Variants in SYT1 observed in about 807,000 individuals in gnomAD.
The protein encoded by SYT1 is synaptotagmin-1.
Under a neutral mutation model 44.8 loss-of-function variants are expected in SYT1, and 8 were observed. That is an observed-to-expected ratio of 0.18 (90% CI 0.10 to 0.32). The LOEUF (loss-of-function observed/expected upper bound fraction) is 0.32. Ranked by LOEUF, SYT1 falls within the 10% of genes least tolerant of loss-of-function variation. SYT1 has a pLI of 1.00. For missense variants in SYT1, 286 were observed against 509.3 expected (o/e 0.56, Z 4.22); for synonymous variants, 154 against 188.8 (o/e 0.82, Z 1.51).
chr12:79,334,129 C>G (rs1190192040), intron 8 of SYT1, among the ~76,000 whole-genome samples: 1 of 152,056 alleles, frequency 6.6e-6, no homozygotes, highest in Non-Finnish European at 1.5e-5. Flanking sequence ...TTTTTAATAT[C>G]ACTATTGCCT....
chr12:79,437,003 G>T (rs1369430107), intron 9 of SYT1, among the ~76,000 whole-genome samples: 1 of 152,124 alleles, frequency 6.6e-6, no homozygotes, highest in East Asian at 1.9e-4. Context: ...GGGAAGTGGT[G>T]ACTTTTAAAC....
At chr12:79,025,027 G>A (rs61928978) in intron 2 of SYT1, among the ~76,000 whole-genome samples, 24,411 of 151,682 alleles carry the variant, frequency 0.16, 2,354 homozygotes, top group African/African-American at 0.27. Flanking sequence ...TAGGCAAATA[G>A]AATTTATACA....
At chr12:79,370,295 A>C (rs943979200) in intron 9 of SYT1, among the ~76,000 whole-genome samples, 1 of 152,184 alleles carries the variant, frequency 6.6e-6, no homozygotes, top group Non-Finnish European at 1.5e-5. Flanking sequence ...TAAGCTGCAA[A>C]ATACAGAATT....
intron 3 of SYT1, among the ~76,000 whole-genome samples, chr12:79,058,478 G>A (rs1875129602): frequency 6.6e-6 from 1 of 151,968 alleles, no homozygotes; most frequent in Admixed American, 6.6e-5. Flanking sequence ...TTTCCCAACT[G>A]ATATTCTCTA....
chr12:79,432,026 C>T (rs1342834920), intron 9 of SYT1, among the ~76,000 whole-genome samples: 1 of 152,014 alleles, frequency 6.6e-6, no homozygotes. Flanking sequence ...CACATTTGGT[C>T]ATCAATGAAT....
At chr12:78,981,125 G>GTTTTT (rs1171068435) in intron 2 of SYT1, among the ~76,000 whole-genome samples, 5 of 122,684 alleles carry the variant, frequency 4.1e-5, no homozygotes, top group African/African-American at 6.2e-5. Flanking sequence ...TTGTTTCTTT[G>GTTTTT]TTTTTTTTTT....
chr12:79,301,271 T>C (rs1434722901), intron 8 of SYT1, among the ~76,000 whole-genome samples: 4 of 152,278 alleles, frequency 2.6e-5, no homozygotes, highest in African/African-American at 9.6e-5. Flanking sequence ...TACTTTCACC[T>C]GGATAATTAT....
At chr12:78,947,149 A>T (rs1434556183) in intron 1 of SYT1, among the ~76,000 whole-genome samples, 1 of 152,226 alleles carries the variant, frequency 6.6e-6, no homozygotes, top group Admixed American at 6.5e-5. Context: ...AAGATTTGCA[A>T]CTACTTTCCC....
intron 3 of SYT1, among the ~76,000 whole-genome samples, chr12:79,100,449 C>G (rs73355514): frequency 0.034 from 5,173 of 151,208 alleles, 174 homozygotes; most frequent in South Asian, 0.11. Context: ...CAAGAGGAAC[C>G]AAGGTAAGGA....
intron 3 of SYT1, among the ~76,000 whole-genome samples, chr12:79,131,917 A>C (rs1868846867): frequency 6.6e-6 from 1 of 152,230 alleles, no homozygotes; most frequent in Non-Finnish European, 1.5e-5. Context: ...AGTTAGCTAT[A>C]CATGTATGGA....
chr12:79,255,244 A>G (rs1489320836), intron 4 of SYT1, among the ~76,000 whole-genome samples: 7 of 152,222 alleles, frequency 4.6e-5, no homozygotes, highest in Non-Finnish European at 1.0e-4. Flanking sequence ...GTCAGCATCC[A>G]TCAGCCTTCA....
intron 4 of SYT1, among the ~76,000 whole-genome samples, chr12:79,235,686 T>C (rs1480197267): frequency 6.7e-6 from 1 of 149,912 alleles, no homozygotes; most frequent in Non-Finnish European, 1.5e-5. Context: ...CCATAATATA[T>C]ATATTTTAAA....
chr12:79,211,443 T>TA (rs1565857392), intron 3 of SYT1, among the ~76,000 whole-genome samples: 2 of 152,258 alleles, frequency 1.3e-5, no homozygotes, highest in African/African-American at 2.4e-5. Context: ...CCTTTCTTTT[T>TA]TTTATTATTA....
intron 1 of SYT1, among the ~76,000 whole-genome samples, chr12:78,965,713 C>A (rs1879733422): frequency 6.6e-6 from 1 of 152,040 alleles, no homozygotes; most frequent in Non-Finnish European, 1.5e-5. Context: ...GGTCTCCAGG[C>A]CCCATTACCA....
At chr12:79,253,347 A>G (rs1877328586) in intron 4 of SYT1, among the ~76,000 whole-genome samples, 2 of 151,988 alleles carry the variant, frequency 1.3e-5, no homozygotes, top group South Asian at 2.1e-4. Flanking sequence ...TTATTATTGT[A>G]TCTGTTATGG....
intron 4 of SYT1, among the ~76,000 whole-genome samples, chr12:79,246,857 AT>A (rs1391213040): frequency 6.6e-6 from 1 of 152,026 alleles, no homozygotes; most frequent in African/African-American, 2.4e-5. Context: ...AATTATTATG[AT>A]TTTCTGGAAA....
chr12:79,313,486 A>G, intron 8 of SYT1, among the ~76,000 whole-genome samples: 1 of 152,082 alleles, frequency 6.6e-6, no homozygotes. Context: ...ATCTTAAACC[A>G]TGTACCAAGT....
At chr12:79,370,774 A>G (rs1883754841) in intron 9 of SYT1, among the ~76,000 whole-genome samples, 1 of 151,936 alleles carries the variant, frequency 6.6e-6, no homozygotes, top group African/African-American at 2.4e-5. Context: ...AAAAATAATA[A>G]TAATAAAAAT....
At chr12:79,348,504 A>C (rs1419665458) in intron 8 of SYT1, among the ~76,000 whole-genome samples, 2 of 152,266 alleles carry the variant, frequency 1.3e-5, no homozygotes, top group East Asian at 3.8e-4. Flanking sequence ...TTGAAGAAGC[A>C]GTGAAACAAG....
Sources: gnomAD v4.1 joint callset for allele counts (sites outside exome capture counted in the v4.1 genomes callset) on GRCh38, gnomAD v4.1.1 for gene constraint, MANE v1.5 for transcripts, NCBI Gene and HGNC (gene_info 2026-07-23, HGNC 2026-07-21) for gene names.